The following WWOX variants were observed in gnomAD, a reference collection of about 807,000 sequenced individuals.
WWOX encodes the protein WW domain containing oxidoreductase, also known as WW domain-containing oxidoreductase.
WWOX carries 69 observed loss-of-function variants against 46.2 expected under a neutral mutation model. The ratio of observed to expected loss-of-function variants is 1.49; its 90% CI spans 1.23 to 1.82. The LOEUF is 1.82. Ranked by LOEUF, WWOX falls within the 40% of genes most tolerant of loss-of-function variation. The pLI is 0.00. For missense variants in WWOX, 919 were observed against 542.6 expected (o/e 1.69, Z -6.89); for synonymous variants, 359 against 202.6 (o/e 1.77, Z -6.56).
chr16:78,862,766 C>T (rs1254013464), intron 8 of WWOX, among the ~76,000 whole-genome samples: 3 of 152,062 alleles, frequency 2.0e-5, no homozygotes, highest in Non-Finnish European at 2.9e-5. Flanking sequence ...TTATTCAGGC[C>T]TTCAACAGAT....
intron 8 of WWOX, among the ~76,000 whole-genome samples, chr16:78,990,722 G>GGGA (rs2046871307): frequency 6.6e-6 from 1 of 151,816 alleles, no homozygotes; most frequent in African/African-American, 2.4e-5. Context: ...GGAGGAAGGA[G>GGGA]GGAGGGAGGG....
At chr16:78,818,822 C>A (rs959451587) in intron 8 of WWOX, among the ~76,000 whole-genome samples, 1 of 152,196 alleles carries the variant, frequency 6.6e-6, no homozygotes, top group Non-Finnish European at 1.5e-5. Flanking sequence ...CCAAAGGTTG[C>A]TTTTAAGCGT....
intron 8 of WWOX, among the ~76,000 whole-genome samples, chr16:78,510,998 G>T (rs1467882694): frequency 2.0e-5 from 3 of 152,200 alleles, no homozygotes; most frequent in Non-Finnish European, 4.4e-5. Context: ...CCTACCCCAC[G>T]TGTCCAGCAG....
intron 8 of WWOX, among the ~76,000 whole-genome samples, chr16:78,547,833 C>G (rs1454897768): frequency 6.6e-6 from 1 of 152,034 alleles, no homozygotes; most frequent in Non-Finnish European, 1.5e-5. Context: ...GGCCCTACCT[C>G]CTAATATATT....
At chr16:78,701,099 G>A (rs955424347) in intron 8 of WWOX, among the ~76,000 whole-genome samples, 1 of 152,114 alleles carries the variant, frequency 6.6e-6, no homozygotes. Flanking sequence ...TTAAAGGTGG[G>A]CTAGTGATAG....
At chr16:78,898,611 A>G (rs939522862) in intron 8 of WWOX, 1 of 152,082 alleles carries the variant, frequency 6.6e-6, no homozygotes, top group African/African-American at 2.4e-5. Flanking sequence ...TTCCTTTTAC[A>G]TATATATTTC....
chr16:78,532,767 T>C (rs190039542), intron 8 of WWOX, among the ~76,000 whole-genome samples: 1 of 152,238 alleles, frequency 6.6e-6, no homozygotes, highest in East Asian at 1.9e-4. Context: ...TGAGACTTAT[T>C]TGCTATTGTG....
chr16:78,531,812 T>C (rs2043630058), intron 8 of WWOX, among the ~76,000 whole-genome samples: 1 of 152,112 alleles, frequency 6.6e-6, no homozygotes, highest in Admixed American at 6.5e-5. Flanking sequence ...GAGCCAAACT[T>C]GCACAACTGA....
intron 8 of WWOX, among the ~76,000 whole-genome samples, chr16:78,513,968 A>G (rs971526057): frequency 7.6e-5 from 11 of 145,604 alleles, no homozygotes; most frequent in African/African-American, 3.0e-4. Context: ...CTTCCCTTGC[A>G]GGTGTCTGTT....
chr16:78,194,580 T>C, intron 5 of WWOX, among the ~76,000 whole-genome samples: 1 of 116,132 alleles, frequency 8.6e-6, no homozygotes, highest in Non-Finnish European at 1.7e-5. Flanking sequence ...AGAGTGAGAC[T>C]CCATCTCAAA....
intron 8 of WWOX, among the ~76,000 whole-genome samples, chr16:79,090,711 A>G (rs924059745): frequency 2.0e-5 from 3 of 152,224 alleles, no homozygotes; most frequent in African/African-American, 7.2e-5. Context: ...AGTGAGGCAC[A>G]TGCTCGGCGG....
At chr16:78,546,532 C>G (rs114981788) in intron 8 of WWOX, among the ~76,000 whole-genome samples, 1 of 152,162 alleles carries the variant, frequency 6.6e-6, no homozygotes, top group Non-Finnish European at 1.5e-5. Context: ...AGATTATTTA[C>G]GATTCCATTG....
chr16:79,059,275 A>G (rs926818575), intron 8 of WWOX, among the ~76,000 whole-genome samples: 6 of 152,166 alleles, frequency 3.9e-5, no homozygotes, highest in African/African-American at 1.2e-4. Context: ...ACAGCGTAAA[A>G]GACACCCTCA....
At position 79,163,954 on chromosome 16, in the gene WWOX, G is replaced by C. The variant is rs1169230118; in HGVS notation, c.1057-47654G>C. The stretch of plus-strand genomic sequence containing the variant: ...TTCTGCCGTTTCTAGCCCAGCCCAC[G>C]GTTTTCCCTCTGCAGGGTGTCTGTG... On this transcript the variant is annotated intron_variant, in intron 8 of 8. Coordinates refer to ENST00000566780, the MANE Select transcript of WWOX (RefSeq NM_016373.4). Among the ~76,000 whole-genome samples, 3 of 151,216 alleles carry C rather than the reference G, an allele frequency of 2.0e-5. 1 individual carries two copies. The highest frequency in any genetic ancestry group is 2.1e-4 in the South Asian group (1 of 4,798).
intron 5 of WWOX, among the ~76,000 whole-genome samples, chr16:78,341,208 C>G (rs912320814): frequency 9.2e-6 from 1 of 109,146 alleles, no homozygotes; most frequent in East Asian, 2.0e-4. Context: ...CATTTTGTTT[C>G]CCAGGCTGGT....
chr16:78,272,528 T>C (rs1272583041), intron 5 of WWOX, among the ~76,000 whole-genome samples: 1 of 152,172 alleles, frequency 6.6e-6, no homozygotes. Flanking sequence ...GGAGCAGACA[T>C]ACACCTCACT....
At chr16:78,281,165 G>T (rs114456391) in intron 5 of WWOX, 4 of 152,238 alleles carry the variant, frequency 2.6e-5, no homozygotes, top group Non-Finnish European at 5.9e-5. Flanking sequence ...ACACCAGTAA[G>T]TATTCTTGGG....
chr16:79,150,372 T>C (rs561729346), intron 8 of WWOX, among the ~76,000 whole-genome samples: 13 of 152,344 alleles, frequency 8.5e-5, no homozygotes, highest in Non-Finnish European at 1.8e-4. Context: ...TTCATAATTA[T>C]ATAGCATAGC....
At chr16:78,980,372 A>G (rs887475851) in intron 8 of WWOX, among the ~76,000 whole-genome samples, 2 of 152,122 alleles carry the variant, frequency 1.3e-5, no homozygotes, top group Non-Finnish European at 1.5e-5. Flanking sequence ...TTTTATTCCA[A>G]CAATGTCCTT....
Sources: gnomAD v4.1 joint callset for allele counts (sites outside exome capture counted in the v4.1 genomes callset) on GRCh38, gnomAD v4.1.1 for gene constraint, MANE v1.5 for transcripts, NCBI Gene and HGNC (gene_info 2026-07-23, HGNC 2026-07-21) for gene names.